Variants in CAST observed in about 807,000 individuals in gnomAD.
CAST encodes calpastatin.
CAST carries 76 observed loss-of-function variants against 119.6 expected under a neutral mutation model. The observed-to-expected ratio is 0.64, with a 90% CI of 0.53 to 0.77. The LOEUF (loss-of-function observed/expected upper bound fraction) is 0.77. Among genes scored for constraint, CAST ranks in the 30% least tolerant of loss-of-function variants. The pLI, the probability that CAST is intolerant of heterozygous loss-of-function variation, is 0.00. For missense variants in CAST, 953 were observed against 946.5 expected (o/e 1.01, Z -0.09); for synonymous variants, 319 against 331.6 (o/e 0.96, Z 0.41).
chr5:96,104,516 C>G, the CAST span, among the ~76,000 whole-genome samples: 1 of 151,866 alleles, frequency 6.6e-6, no homozygotes, highest in Non-Finnish European at 1.5e-5. Flanking sequence ...GCTTGTTTTT[C>G]TCAGGTTTGT....
chr5:96,767,418 T>G lies in CAST; in HGVS notation c.2131-20T>G, dbSNP rs777870786. The G allele has an allele frequency of 6.2e-7, 1 of 1,604,396 alleles. No individual in the cohort carries two copies. Among genetic ancestry groups the G allele is most frequent in the Non-Finnish European group, 8.5e-7 (1 of 1,171,530 alleles). On this transcript the variant is annotated intron_variant, in intron 27 of 31. Transcript: ENST00000675179. ...TTTACAGATATCTATGCTTAACCAATAGTCTGCCTTCTTTTTAAGGACAAA... is the reference window on the plus strand; with the variant it reads ...TTTACAGATATCTATGCTTAACCAAGAGTCTGCCTTCTTTTTAAGGACAAA...
At chr5:96,704,676 T>C (rs1020307195) in intron 3 of CAST, among the ~76,000 whole-genome samples, 27 of 152,344 alleles carry the variant, frequency 1.8e-4, no homozygotes, top group Non-Finnish European at 3.4e-4. Context: ...ATTCCCTCAA[T>C]TTGGAGATCA....
intron 11 of CAST, among the ~76,000 whole-genome samples, chr5:96,738,195 G>A (rs111264576): frequency 3.1e-4 from 47 of 152,222 alleles, no homozygotes; most frequent in African/African-American, 8.7e-4. Flanking sequence ...GGTGGTACAC[G>A]CCTGTAATCC....
the CAST span, among the ~76,000 whole-genome samples, chr5:96,359,618 C>T: frequency 2.0e-5 from 3 of 152,224 alleles, no homozygotes; most frequent in South Asian, 2.1e-4. Flanking sequence ...ATTTAAAATT[C>T]TGGGTTGAAA....
the CAST span, among the ~76,000 whole-genome samples, chr5:96,325,350 A>G: frequency 7.6e-6 from 1 of 132,364 alleles, no homozygotes; most frequent in African/African-American, 2.8e-5. Flanking sequence ...AGCTCCAAGC[A>G]ATCAATCAAT....
rs754835690 is a variant in CAST, at chr5:96,741,232, C to T, written c.919-34C>T. 73 of 1,204,292 alleles carry T rather than the reference C, an allele frequency of 6.1e-5. 2 individuals carry two copies. Among genetic ancestry groups the T allele is most frequent in the South Asian group, 3.4e-4 (27 of 79,386 alleles). The allele number at this position is 1,204,292 out of a possible 1,614,324, so 74.6% of individuals were successfully genotyped here. The stretch of plus-strand genomic sequence containing the variant: ...TCCATTCTTCCACTTGAGTGCTTCC[C>T]GTAAGTTACCCATCACTGTGCCTGT... On this transcript the variant is annotated intron_variant, in intron 13 of 31. Coordinates refer to ENST00000675179, the MANE Select transcript of CAST (RefSeq NM_001750.7).
intron 1 of CAST, among the ~76,000 whole-genome samples, chr5:96,568,065 A>G (rs1285778806): frequency 2.0e-5 from 3 of 152,160 alleles, no homozygotes; most frequent in African/African-American, 7.2e-5. Context: ...CTAAAAGGGT[A>G]CTTTTTGACT....
chr5:96,444,306 T>A, the CAST span, among the ~76,000 whole-genome samples: 1 of 152,234 alleles, frequency 6.6e-6, no homozygotes, highest in Admixed American at 6.5e-5. Context: ...GTGATGGAAG[T>A]AAGACTCATT....
At chr5:96,225,596 T>A in the CAST span, among the ~76,000 whole-genome samples, 108 of 152,234 alleles carry the variant, frequency 7.1e-4, no homozygotes, top group African/African-American at 2.6e-3. Context: ...TTCTGAAAAG[T>A]TTTTACTGAT....
the CAST span, among the ~76,000 whole-genome samples, chr5:96,031,232 C>CA: frequency 0.031 from 1,979 of 63,378 alleles, 20 homozygotes; most frequent in African/African-American, 0.052. Context: ...AGAACATGAC[C>CA]AAAAAAAAAA....
At chr5:96,358,840 C>T in the CAST span, among the ~76,000 whole-genome samples, 4 of 152,106 alleles carry the variant, frequency 2.6e-5, no homozygotes, top group African/African-American at 9.7e-5. Context: ...GTAGATGTCT[C>T]TTAGGTCTAC....
At chr5:96,156,082 G>A in the CAST span, among the ~76,000 whole-genome samples, 7 of 152,150 alleles carry the variant, frequency 4.6e-5, no homozygotes, top group Non-Finnish European at 7.3e-5. Flanking sequence ...TTGAACGTGG[G>A]AGCCTTCCAG....
At chr5:95,962,751 A>C in the CAST span, among the ~76,000 whole-genome samples, 1,189 of 152,340 alleles carry the variant, frequency 7.8e-3, 4 homozygotes, top group Non-Finnish European at 0.013. Flanking sequence ...GAAGAAGAGT[A>C]AAACTGGCAT....
intron 1 of CAST, among the ~76,000 whole-genome samples, chr5:96,616,719 G>A (rs1747460672): frequency 7.0e-6 from 1 of 142,316 alleles, no homozygotes; most frequent in East Asian, 2.3e-4. Flanking sequence ...TAGACACCAA[G>A]CGCTCGCTCG....
chr5:96,190,179 G>C, the CAST span, among the ~76,000 whole-genome samples: 1 of 152,132 alleles, frequency 6.6e-6, no homozygotes, highest in Non-Finnish European at 1.5e-5. Context: ...CCAGGGTGGG[G>C]CTGGGGAACT....
At chr5:96,475,471 C>G in the CAST span, among the ~76,000 whole-genome samples, 1 of 152,140 alleles carries the variant, frequency 6.6e-6, no homozygotes, top group South Asian at 2.1e-4. Context: ...AGAAAGAAAC[C>G]TGGGTATTGA....
intron 1 of CAST, among the ~76,000 whole-genome samples, chr5:96,530,147 G>C (rs1217781842): frequency 6.6e-6 from 1 of 150,938 alleles, no homozygotes; most frequent in African/African-American, 2.4e-5. Context: ...TAATAACAGA[G>C]TGTCAAGAGA....
the CAST span, among the ~76,000 whole-genome samples, chr5:96,381,299 T>C: frequency 0.011 from 1,726 of 152,238 alleles, 36 homozygotes; most frequent in African/African-American, 0.04. Context: ...AATTAATAAG[T>C]AGATATTTAA....
At chr5:96,314,458 G>A in the CAST span, among the ~76,000 whole-genome samples, 12 of 152,206 alleles carry the variant, frequency 7.9e-5, no homozygotes, top group Admixed American at 7.2e-4. Flanking sequence ...CATAGGTGAA[G>A]CTGAGCAAAT....
Sources: allele counts gnomAD v4.1 joint callset (sites outside exome capture counted in the v4.1 genomes callset), GRCh38; gene constraint gnomAD v4.1.1; transcripts MANE v1.5; gene names NCBI Gene and HGNC (gene_info 2026-07-23, HGNC 2026-07-21).